The following PSEN2 variants were observed in gnomAD, a reference collection of about 807,000 sequenced individuals.
The protein encoded by PSEN2 is presenilin 2.
PSEN2 carries 32 observed loss-of-function variants against 49.1 expected under a neutral mutation model. The ratio of observed to expected loss-of-function variants is 0.65; its 90% confidence interval spans 0.49 to 0.88. PSEN2 has a LOEUF of 0.88. PSEN2 is among the 40% of genes least tolerant of loss of function. The pLI, the probability that PSEN2 is intolerant of heterozygous loss-of-function variation, is 0.00. For missense variants in PSEN2, 522 were observed against 586.9 expected (o/e 0.89, Z 1.14); for synonymous variants, 255 against 244.0 (o/e 1.05, Z -0.42).
At chr1:226,890,845 C>A (rs11582894) in intron 9 of PSEN2, 1 of 225,744 alleles carries the variant, frequency 4.4e-6, no homozygotes, top group South Asian at 6.5e-5. Context: ...CTACAGAGTT[C>A]TAGGTACCTT....
rs751024219 is a variant in PSEN2 at position 226,894,135 on chromosome 1, T to TG, written c.1191+14dup. The TG allele has an allele frequency of 1.1e-5, 17 of 1,609,790 alleles. No individual in the cohort carries two copies. The highest frequency in any genetic ancestry group is 1.4e-5 in the Non-Finnish European group (17 of 1,176,306). ...CGTGGCCATCCTCATTGTGAGTGGC[T>TG]GGGGATGCGTCCAGCTGCCTCGTGG... On this transcript the variant is annotated intron_variant, in intron 12 of 12. Transcript: ENST00000366783.
intron 12 of PSEN2, among the ~76,000 whole-genome samples, chr1:226,902,370 G>T (rs1331738986): frequency 6.6e-6 from 1 of 152,080 alleles, no homozygotes; most frequent in East Asian, 1.9e-4. Context: ...TGGGGGTTGG[G>T]GACCCCTGAT....
chr1:226,878,226 C>A (rs936931384), intron 3 of PSEN2, among the ~76,000 whole-genome samples: 7 of 152,042 alleles, frequency 4.6e-5, no homozygotes, highest in African/African-American at 1.4e-4. Flanking sequence ...ATTACAGGTG[C>A]CTGCCACCAT....
intron 3 of PSEN2, among the ~76,000 whole-genome samples, chr1:226,877,517 C>T (rs1261297867): frequency 2.0e-5 from 3 of 152,172 alleles, no homozygotes; most frequent in Admixed American, 2.0e-4. Context: ...TCAGCATTTC[C>T]TAAGTTGGTG....
At chr1:226,895,349 G>A (rs1411288214) in intron 12 of PSEN2, 75 bp from the exon 13 acceptor site, 34 of 1,566,372 alleles carry the variant, frequency 2.2e-5, no homozygotes, top group Non-Finnish European at 2.9e-5. Context: ...CCTGTGCCCA[G>A]GGACTAGACC....
chr1:226,897,226 A>G (rs117694118), downstream of PSEN2, among the ~76,000 whole-genome samples: 80 of 152,336 alleles, frequency 5.3e-4, 2 homozygotes, highest in East Asian at 0.014. Flanking sequence ...AGCTTATTCA[A>G]TTTGGCAATT....
rs138251565 is a variant in PSEN2, at chr1:226,880,042, T to C, written c.-20-1846T>C. On this transcript the variant is annotated intron_variant, in intron 3 of 12. Transcript: ENST00000366783. The stretch of plus-strand genomic sequence containing the variant: ...CAGGTCTTGTTAAGGGGATTGAAAT[T>C]GGCTGACTTGGTGGAAGGAACCTGC... 3.0e-3 allele frequency among the ~76,000 whole-genome samples: 464 copies of C among 152,324 alleles called. 1 individual carries two copies. Among genetic ancestry groups the C allele is most frequent in the African/African-American group, 9.9e-3 (413 of 41,568 alleles).
chr1:226,900,450 C>T (rs1662280183), downstream of PSEN2, among the ~76,000 whole-genome samples: 1 of 152,170 alleles, frequency 6.6e-6, no homozygotes, highest in Admixed American at 6.5e-5. Context: ...TAGAAGCATG[C>T]CTGCAGTTTG....
rs189129471 is a variant in PSEN2, at chr1:226,887,002, C to T, written c.499-1089C>T. 5.9e-5 allele frequency among the ~76,000 whole-genome samples: 9 copies of T among 152,204 alleles called. No individual in the cohort carries two copies. In the South Asian group the frequency reaches 1.0e-3, roughly 18 times the overall value. ...TGACGAGGCAGGGTTTGAACATTGC[C>T]GCTGGGAGGTTGGCAGATGGTGGGA... is the stretch of plus-strand genomic sequence containing the variant. On this transcript the variant is annotated intron_variant, in intron 6 of 12. Transcript: ENST00000366783.
At chr1:226,891,688 CTT>C (rs1661760496) in intron 10 of PSEN2, 53 bp from the exon 11 acceptor site, 5 of 1,452,864 alleles carry the variant, frequency 3.4e-6, no homozygotes, top group Non-Finnish European at 2.9e-6. Flanking sequence ...GTTTCTCTCT[CTT>C]GTTGTCCCCT....
At chr1:226,883,056 C>G (rs190951446) in intron 4 of PSEN2, among the ~76,000 whole-genome samples, 1 of 152,200 alleles carries the variant, frequency 6.6e-6, no homozygotes, top group Admixed American at 6.5e-5. Flanking sequence ...TCTTACAGAT[C>G]GGTTTGTGCT....
chr1:226,879,163 C>T (rs1352861756), intron 3 of PSEN2, among the ~76,000 whole-genome samples: 1 of 152,246 alleles, frequency 6.6e-6, no homozygotes, highest in Non-Finnish European at 1.5e-5. Flanking sequence ...TGAGCCGAGC[C>T]ACCATACCCG....
At chr1:226,898,175 A>C (rs975072555), downstream of PSEN2, 1 of 152,174 alleles carries the variant, frequency 6.6e-6, no homozygotes, top group African/African-American at 2.4e-5. Flanking sequence ...GGCTGGTCTC[A>C]AACTCCTGAC....
At chr1:226,899,786 TCA>T (rs1415562489), downstream of PSEN2, among the ~76,000 whole-genome samples, 776 of 152,286 alleles carry the variant, frequency 5.1e-3, 9 homozygotes, top group African/African-American at 0.017. Flanking sequence ...GGCTTTCACC[TCA>T]TGACCTAGGC....
In PSEN2 at chr1:226,891,838, G is replaced by C. The variant is rs1304206650; in HGVS notation, c.1066G>C (p.Glu356Gln). 6.2e-7 allele frequency: 1 copy of C among 1,613,834 alleles called. No individual in the cohort carries two copies. Among genetic ancestry groups the C allele is most frequent in the Non-Finnish European group, 8.5e-7 (1 of 1,179,824 alleles). Residue 356 changes from glutamate (E) to glutamine (Q), a missense_variant, in exon 11 of 13, where the codon GAG (glutamate) becomes CAG (glutamine). Glu to Gln is a conservative substitution (Grantham distance 29, BLOSUM62 2). Transcript: ENST00000366783. ...CCCAGGGGAGGAGCTGGAGGAAGAG[G>C]AGGAAAGTAAGGTGCCCATGTTCAC... ...GYPGEELEEE[E>Q]ERGVKLGLGD...
rs1056270568 is a variant in PSEN2, at chr1:226,895,366, C to A, written c.1192-58C>A. On this transcript the variant is annotated intron_variant, in intron 12 of 12. Transcript: ENST00000366783. ...TGTGCCCAGGGACTAGACCATGACT[C>A]ACAGCTCCTGTCCACACCAGGGATC... 1.9e-6 allele frequency: 3 copies of A among 1,601,694 alleles called. No homozygotes were observed. In the South Asian group the frequency reaches 3.3e-5, roughly 18 times the overall value.
chr1:226,882,183 G>C, intron 4 of PSEN2, 135 bp downstream of exon 4: 1 of 1,289,346 alleles, frequency 7.8e-7, no homozygotes. Flanking sequence ...CGAAAAGGTG[G>C]GTGGCTGGCC....
At chr1:226,877,051 C>T (rs1660675232) in intron 3 of PSEN2, among the ~76,000 whole-genome samples, 1 of 152,168 alleles carries the variant, frequency 6.6e-6, no homozygotes, top group Admixed American at 6.5e-5. Flanking sequence ...TTGTCTCACT[C>T]TCTCATGTGG....
intron 3 of PSEN2, among the ~76,000 whole-genome samples, chr1:226,881,544 C>A (rs111382438): frequency 1.3e-5 from 2 of 152,114 alleles, no homozygotes; most frequent in African/African-American, 4.8e-5. Flanking sequence ...TCCCCAGAGC[C>A]CAGCATGATC....
Sources: gnomAD v4.1 joint callset for allele counts (sites outside exome capture counted in the v4.1 genomes callset) on GRCh38, gnomAD v4.1.1 for gene constraint, MANE v1.5 for transcripts, NCBI Gene and HGNC (gene_info 2026-07-23, HGNC 2026-07-21) for gene names.